NRG3: variants seen among roughly 807,000 people sequenced by gnomAD.
NRG3 encodes the protein neuregulin 3.
In NRG3, 31 loss-of-function variants were observed where a neutral mutation model predicts 66.9. That is an observed-to-expected ratio of 0.46 (90% CI 0.35 to 0.63). NRG3 has a LOEUF of 0.63. Ranked by LOEUF, NRG3 falls within the 20% of genes least tolerant of loss-of-function variation. The pLI, the probability that NRG3 is intolerant of heterozygous loss-of-function variation, is 0.00. For missense variants in NRG3, 910 were observed against 878.9 expected (o/e 1.04, Z -0.45); for synonymous variants, 393 against 359.4 (o/e 1.09, Z -1.06).
At chr10:82,799,526 CAAAA>C (rs67074946) in intron 3 of NRG3, among the ~76,000 whole-genome samples, 2 of 109,668 alleles carry the variant, frequency 1.8e-5, no homozygotes, top group Admixed American at 1.0e-4. Context: ...AATTCCGTCT[CAAAA>C]AAAAAAAAAA....
rs147736439 is a variant in NRG3, at chr10:81,875,718, GACCACC to G, written c.384_389del (p.Thr131_Thr132del). The G allele has an allele frequency of 2.6e-3, 4,209 of 1,613,428 alleles. 82 individuals carry two copies. The African/African-American group carries it at 0.05, about 19-fold the overall frequency. The stretch of plus-strand genomic sequence containing the variant: ...CCAGCTCTTTCCCCAAGGCCATGGA[GACCACC>G]ACCACTACCACTTCCACCACGTCCC... On this transcript the variant is annotated inframe_deletion, in exon 1 of 9. Coordinates refer to ENST00000372141, the MANE Select transcript of NRG3 (RefSeq NM_001010848.4). The surrounding 1 kb of genome is among the most constrained non-coding windows in gnomAD (Gnocchi z 5.3).
intron 2 of NRG3, among the ~76,000 whole-genome samples, chr10:82,690,526 A>C (rs894185527): frequency 6.6e-6 from 1 of 152,220 alleles, no homozygotes; most frequent in Non-Finnish European, 1.5e-5. Context: ...GAAACATAAA[A>C]TATCAATTAT....
rs189771342 is a variant in NRG3 at position 82,947,211 on chromosome 10, C to A, written c.1055-4258C>A. 2.6e-5 allele frequency among the ~76,000 whole-genome samples: 4 copies of A among 152,220 alleles called. No individual in the cohort carries two copies. The South Asian group carries it at 6.2e-4, about 24-fold the overall frequency. The stretch of plus-strand genomic sequence containing the variant: ...AATAAGTGGAATTATACAACATGTA[C>A]CCTGTTTGCTGTCTGATTTATTGCA... On this transcript the variant is annotated intron_variant, in intron 4 of 8. Transcript: ENST00000372141.
intron 1 of NRG3, among the ~76,000 whole-genome samples, chr10:82,091,968 G>A (rs1005444140): frequency 1.3e-5 from 2 of 152,118 alleles, no homozygotes; most frequent in Admixed American, 1.3e-4. Context: ...GTGTGAAAGG[G>A]TATACAGTTT....
intron 2 of NRG3, among the ~76,000 whole-genome samples, chr10:82,489,828 TA>T (rs954832551): frequency 2.0e-5 from 3 of 152,052 alleles, no homozygotes; most frequent in Admixed American, 6.6e-5. Flanking sequence ...TGCTAGGACT[TA>T]AAAAAAAGTT....
intron 2 of NRG3, among the ~76,000 whole-genome samples, chr10:82,460,538 T>C (rs2091463704): frequency 6.6e-6 from 1 of 152,230 alleles, no homozygotes; most frequent in Non-Finnish European, 1.5e-5. Context: ...TCTCTGTCTT[T>C]CATGCAACTC....
intron 2 of NRG3, among the ~76,000 whole-genome samples, chr10:82,518,493 T>A (rs1385242134): frequency 1.3e-5 from 2 of 152,136 alleles, no homozygotes; most frequent in Admixed American, 6.5e-5. Context: ...GAAAAAAGTG[T>A]CTGCTCCCCC....
chr10:82,622,617 C>T (rs2049117593), intron 2 of NRG3, among the ~76,000 whole-genome samples: 1 of 152,140 alleles, frequency 6.6e-6, no homozygotes, highest in South Asian at 2.1e-4. Context: ...GATGTTGTCC[C>T]AGGCTGTCAG....
intron 1 of NRG3, among the ~76,000 whole-genome samples, chr10:82,268,965 T>C (rs753508712): frequency 9.2e-5 from 14 of 152,134 alleles, no homozygotes; most frequent in Non-Finnish European, 1.8e-4. Context: ...CCCTGCTATT[T>C]ATTGTTTCCC....
intron 2 of NRG3, among the ~76,000 whole-genome samples, chr10:82,376,992 A>G (rs1229372620): frequency 6.6e-6 from 1 of 152,178 alleles, no homozygotes; most frequent in Non-Finnish European, 1.5e-5. Context: ...ATGACTCTTA[A>G]CCCAAATCTC....
chr10:81,994,123 C>A (rs2133599442), intron 1 of NRG3, among the ~76,000 whole-genome samples: 1 of 152,222 alleles, frequency 6.6e-6, no homozygotes, highest in Non-Finnish European at 1.5e-5. Flanking sequence ...AAAGTGTTAT[C>A]AGTTTCATTC....
chr10:82,861,319 T>G (rs2064116606), intron 3 of NRG3, among the ~76,000 whole-genome samples: 1 of 152,192 alleles, frequency 6.6e-6, no homozygotes, highest in Admixed American at 6.5e-5. Context: ...TACAAAAATA[T>G]AAATGCCATC....
intron 1 of NRG3, among the ~76,000 whole-genome samples, chr10:81,959,761 A>G (rs1450272550): frequency 2.0e-5 from 3 of 152,060 alleles, no homozygotes; most frequent in Non-Finnish European, 4.4e-5. Context: ...GCCCAATACT[A>G]TGAATAGTTT....
In NRG3 at chr10:82,870,549, C is replaced by A. The variant is rs1461411806; in HGVS notation, c.1054+5112C>A. 2.0e-5 allele frequency among the ~76,000 whole-genome samples: 3 copies of A among 152,260 alleles called. No individual in the cohort carries two copies. In the East Asian group the frequency reaches 5.8e-4, roughly 29 times the overall value. On this transcript the variant is annotated intron_variant, in intron 4 of 8. Transcript: ENST00000372141. Reference sequence around the variant, plus strand: ...TGGCTGTGCCATTTTGCATTCCCACCAGCAATGAATGAGAGTTCCTGTTGC... The same window carrying A: ...TGGCTGTGCCATTTTGCATTCCCACAAGCAATGAATGAGAGTTCCTGTTGC...
intron 2 of NRG3, among the ~76,000 whole-genome samples, chr10:82,517,347 C>A (rs1161752348): frequency 1.3e-5 from 2 of 152,206 alleles, no homozygotes; most frequent in African/African-American, 4.8e-5. Flanking sequence ...GTTAAATAAG[C>A]ATGGCAGTTT....
chr10:82,660,196 C>CAAAAAAAAAAAAAAAAAAAAAAA (rs58870828), intron 2 of NRG3, among the ~76,000 whole-genome samples: 4 of 19,562 alleles, frequency 2.0e-4, no homozygotes, highest in African/African-American at 3.3e-4. Flanking sequence ...AACTCCCTCT[C>CAAAAAAAAAAAAAAAAAAAAAAA]AAAAAAAAAA....
intron 2 of NRG3, among the ~76,000 whole-genome samples, chr10:82,545,049 A>G (rs1230899702): frequency 6.6e-6 from 1 of 152,190 alleles, no homozygotes; most frequent in African/African-American, 2.4e-5. Flanking sequence ...CCTGAAATCT[A>G]TCCCATTGCA....
At chr10:82,124,424 C>T (rs1265445100) in intron 1 of NRG3, among the ~76,000 whole-genome samples, 3 of 151,822 alleles carry the variant, frequency 2.0e-5, no homozygotes, top group Non-Finnish European at 4.4e-5. Context: ...TACTTTTTAC[C>T]CCAATGAGTA....
intron 3 of NRG3, among the ~76,000 whole-genome samples, chr10:82,854,551 T>C (rs1488474027): frequency 6.6e-6 from 1 of 152,194 alleles, no homozygotes; most frequent in African/African-American, 2.4e-5. Flanking sequence ...TTTTTTCACA[T>C]AAGCAGACAC....
Sources: allele counts gnomAD v4.1 joint callset (sites outside exome capture counted in the v4.1 genomes callset), GRCh38; gene constraint gnomAD v4.1.1; non-coding constraint Gnocchi (gnomAD v3.1); transcripts MANE v1.5; gene names NCBI Gene and HGNC (gene_info 2026-07-23, HGNC 2026-07-21).